Variants in NIPAL4 observed in about 807,000 individuals in gnomAD.
NIPAL4 encodes magnesium transporter NIPA4.
NIPAL4 carries 21 observed loss-of-function variants against 31.6 expected under a neutral mutation model. The observed-to-expected ratio is 0.67, with a 90% CI of 0.47 to 0.96. The LOEUF (loss-of-function observed/expected upper bound fraction) is 0.96. NIPAL4 is among the 40% of genes least tolerant of loss of function. The probability of loss-of-function intolerance (pLI) is 0.00; values close to 1 mark genes in which losing one functional copy is unlikely to be tolerated. For missense variants in NIPAL4, 438 were observed against 508.0 expected (o/e 0.86, Z 1.32); for synonymous variants, 175 against 211.1 (o/e 0.83, Z 1.48).
At chr5:157,461,981 C>T (rs940771778) in intron 1 of NIPAL4, among the ~76,000 whole-genome samples, 4 of 152,188 alleles carry the variant, frequency 2.6e-5, no homozygotes, top group Non-Finnish European at 5.9e-5. Context: ...GTTGCTTGAC[C>T]ATGGACTTTG....
intron 4 of NIPAL4, among the ~76,000 whole-genome samples, chr5:157,470,313 G>A (rs1221944573): frequency 2.6e-5 from 4 of 152,022 alleles, no homozygotes; most frequent in Admixed American, 6.6e-5. Context: ...ATGTCACCAC[G>A]GTGCAGCAAG....
At chr5:157,460,598 G>C in intron 1 of NIPAL4, 1 of 660,990 alleles carries the variant, frequency 1.5e-6, no homozygotes, top group Non-Finnish European at 2.8e-6. Context: ...CCTGGGTTGA[G>C]ATGGGGGGTT....
At position 157,460,357 on chromosome 5, in the gene NIPAL4, G is replaced by A. The variant is rs1427809693; in HGVS notation, c.37G>A (p.Gly13Ser). 28 of 1,544,920 alleles carry A rather than the reference G, an allele frequency of 1.8e-5. No individual in the cohort carries two copies. The highest frequency in any genetic ancestry group is 2.4e-5 in the Non-Finnish European group (28 of 1,145,662). ...LRVSNTSCENGSLLHLYCSSQ... is the reference protein window; with the variant it reads ...LRVSNTSCENSSLLHLYCSSQ... ...GGTCAGCAACACCAGCTGCGAGAACGGTGCGTACGGCAGGGCTGGGGACCA... is the reference window on the plus strand; with the variant it reads ...GGTCAGCAACACCAGCTGCGAGAACAGTGCGTACGGCAGGGCTGGGGACCA... Residue 13 changes from glycine to serine, a missense_variant and splice_region_variant, in exon 1 of 6, where the codon GGT becomes AGT. Transcript: ENST00000311946.
At chr5:157,468,270 C>T (rs752432367) in intron 3 of NIPAL4, among the ~76,000 whole-genome samples, 1 of 151,942 alleles carries the variant, frequency 6.6e-6, no homozygotes, top group Non-Finnish European at 1.5e-5. Context: ...TTGAAAATTC[C>T]CCTGGAAAAG....
rs1346137579 is a variant in NIPAL4 at position 157,460,331 on chromosome 5, G to C, written c.11G>C (p.Arg4Pro). 3 of 1,547,774 alleles carry C rather than the reference G, an allele frequency of 1.9e-6. No individual in the cohort carries two copies. Among genetic ancestry groups the C allele is most frequent in the East Asian group, 4.9e-5 (2 of 40,864 alleles). MEL[R>P]VSNTSCENGS... The stretch of plus-strand genomic sequence containing the variant: ...TGTGCCCCGGGCCCCATGGAGCTGC[G>C]GGTCAGCAACACCAGCTGCGAGAAC... The change falls in exon 1 of 6, where the codon CGG becomes CCG. Residue 4 changes from arginine (R) to proline (P), a missense_variant. Coordinates refer to ENST00000311946, the MANE Select transcript of NIPAL4 (RefSeq NM_001099287.2).
intron 2 of NIPAL4, among the ~76,000 whole-genome samples, chr5:157,465,347 C>A (rs1754242634): frequency 6.6e-6 from 1 of 152,110 alleles, no homozygotes; most frequent in South Asian, 2.1e-4. Context: ...GTGATTTCAA[C>A]CCTTAGAGTA....
chr5:157,466,436 A>G (rs1383970663), intron 2 of NIPAL4, among the ~76,000 whole-genome samples: 1 of 152,204 alleles, frequency 6.6e-6, no homozygotes, highest in Non-Finnish European at 1.5e-5. Flanking sequence ...TCTGATTTGC[A>G]TTCTTAAAAG....
At chr5:157,469,808 CA>C (rs1472416506) in intron 4 of NIPAL4, among the ~76,000 whole-genome samples, 1 of 152,166 alleles carries the variant, frequency 6.6e-6, no homozygotes, top group Non-Finnish European at 1.5e-5. Context: ...GAAAATTTTG[CA>C]ACATTTACAC....
rs1408851895 is a variant in NIPAL4 at position 157,472,451 on chromosome 5, G to T, written c.706G>T (p.Ala236Ser). Residue 236 changes from alanine to serine, a missense_variant, in exon 6 of 6, where the codon GCC (alanine) becomes TCC (serine). Transcript: ENST00000311946. ...CATCATCATCTGCTCTGTGATCGGG[G>T]CCTTCTCTGTGGCTGCTGTCAAGGG... ...IYIIICSVIG[A>S]FSVAAVKGLG... 6.2e-7 allele frequency: 1 copy of T among 1,613,698 alleles called. No individual in the cohort carries two copies. The highest frequency in any genetic ancestry group is 1.3e-5 in the African/African-American group (1 of 74,840).
In NIPAL4 at chr5:157,473,973, C is replaced by T. The variant is rs1039949505; in HGVS notation, c.*1013C>T. 2.6e-5 allele frequency: 4 copies of T among 152,238 alleles called. No individual in the cohort carries two copies. The East Asian group carries it at 7.7e-4, about 29-fold the overall frequency. The allele number at this position is 152,238 out of a possible 1,614,324, so 9.4% of individuals were successfully genotyped here. A position where few individuals can be genotyped will look rare whatever the true frequency, so the allele number is the denominator to read the frequency against. On this transcript the variant is annotated 3_prime_UTR_variant, in exon 6 of 6. Coordinates refer to ENST00000311946, the MANE Select transcript of NIPAL4 (RefSeq NM_001099287.2). ...AAGGCAGTCCCAGGCTCTCTGGATA[C>T]TAGGGGCTAACTTTTGTGTTGACTC...
intron 1 of NIPAL4, chr5:157,460,601 G>A (rs1306547792): frequency 2.9e-6 from 2 of 684,904 alleles, no homozygotes; most frequent in East Asian, 2.8e-5. Flanking sequence ...GGGTTGAGAT[G>A]GGGGGTTAGT....
At chr5:157,464,222 C>T (rs962967258) in intron 2 of NIPAL4, among the ~76,000 whole-genome samples, 16 of 152,078 alleles carry the variant, frequency 1.1e-4, no homozygotes, top group Admixed American at 9.2e-4. Context: ...ATAACACGTG[C>T]AAAGGCTCAG....
chr5:157,466,883 A>T, intron 2 of NIPAL4, among the ~76,000 whole-genome samples, 166 bp from the exon 3 acceptor site: 1 of 152,202 alleles, frequency 6.6e-6, no homozygotes, highest in Admixed American at 6.5e-5. Flanking sequence ...TCAGATATAG[A>T]TGGTATTTAA....
At chr5:157,465,868 G>C (rs1283739430) in intron 2 of NIPAL4, among the ~76,000 whole-genome samples, 1 of 152,028 alleles carries the variant, frequency 6.6e-6, no homozygotes, top group East Asian at 1.9e-4. Context: ...GGTGGCATAT[G>C]ACTAGTCCCA....
rs918997287 is a variant in NIPAL4 at position 157,464,675 on chromosome 5, A to C, written c.277+1342A>C. Among the ~76,000 whole-genome samples, 11 of 152,166 alleles carry C rather than the reference A, an allele frequency of 7.2e-5. 1 individual carries two copies. The highest frequency in any genetic ancestry group is 1.5e-5 in the Non-Finnish European group (1 of 68,036). On this transcript the variant is annotated intron_variant, in intron 2 of 5. Transcript: ENST00000311946. ...GCTTTTGACTTGAGCAACTGGGGTG[A>C]TGAAAGTGCTATTTCTTGAGATGAA...
chr5:157,468,642 G>GT (rs1754345309), intron 3 of NIPAL4, 80 bp from the exon 4 acceptor site: 4 of 840,002 alleles, frequency 4.8e-6, no homozygotes, highest in South Asian at 1.4e-5. Context: ...TCTCCAGCTT[G>GT]TTGCACACGG....
chr5:157,460,443 TC>T, intron 1 of NIPAL4, 86 bp downstream of exon 1: 1 of 1,349,284 alleles, frequency 7.4e-7, no homozygotes, highest in Non-Finnish European at 1.0e-6. Context: ...CATCCTCTCC[TC>T]CCAGGGGGGC....
chr5:157,460,535 T>C (rs1754066621), intron 1 of NIPAL4, 178 bp downstream of exon 1: 1 of 723,954 alleles, frequency 1.4e-6, no homozygotes, highest in Admixed American at 2.0e-5. Context: ...AGACTTCACT[T>C]TCATCTTCGC....
Position 157,460,356 on chromosome 5 carries a change from C to T in NIPAL4, c.36C>T (p.Asn12=). ...GGGTCAGCAACACCAGCTGCGAGAA[C>T]GGTGCGTACGGCAGGGCTGGGGACC... The part of the protein sequence containing the change: ...ELRVSNTSCE[N]GSLLHLYCSS... Residue 12 remains asparagine (N), a splice_region_variant and synonymous_variant, in exon 1 of 6, where the codon AAC becomes AAT. Transcript: ENST00000311946. The T allele has an allele frequency of 6.5e-7, 1 of 1,544,876 alleles. No homozygotes were observed.
Sources: allele counts gnomAD v4.1 joint callset (sites outside exome capture counted in the v4.1 genomes callset), GRCh38; gene constraint gnomAD v4.1.1; transcripts MANE v1.5; gene names NCBI Gene and HGNC (gene_info 2026-07-23, HGNC 2026-07-21).